The following BBS9 variants were observed in gnomAD, a reference collection of about 807,000 sequenced individuals.
BBS9 encodes the protein protein PTHB1.
BBS9 carries 89 observed loss-of-function variants against 117.7 expected under a neutral mutation model. The observed-to-expected ratio is 0.76, with a 90% CI of 0.64 to 0.90. The LOEUF is 0.90. Ranked by LOEUF, BBS9 falls within the 40% of genes least tolerant of loss-of-function variation. The pLI is 0.00. For synonymous variants in BBS9, 379 were observed against 370.9 expected (o/e 1.02, Z -0.25); for missense variants, 982 against 1,042.2 (o/e 0.94, Z 0.80).
intron 5 of BBS9, among the ~76,000 whole-genome samples, chr7:33,186,016 A>G (rs1035854445): frequency 6.6e-6 from 1 of 152,228 alleles, no homozygotes; most frequent in South Asian, 2.1e-4. Flanking sequence ...ATTAAAAATA[A>G]ATGTAACTTC....
At chr7:33,219,177 G>A (rs922868804) in intron 5 of BBS9, among the ~76,000 whole-genome samples, 13 of 152,202 alleles carry the variant, frequency 8.5e-5, no homozygotes, top group South Asian at 6.2e-4. Flanking sequence ...CTGGCGCTGC[G>A]CTCAATTTCT....
chr7:33,207,265 A>G lies in BBS9; in HGVS notation c.442+29674A>G, dbSNP rs994047440. Among the ~76,000 whole-genome samples the G allele has an allele frequency of 1.2e-4, 19 of 152,192 alleles. 1 individual carries two copies. Among genetic ancestry groups the G allele is most frequent in the African/African-American group, 7.2e-5 (3 of 41,448 alleles). On this transcript the variant is annotated intron_variant, in intron 5 of 22. Transcript: ENST00000242067. Reference sequence around the variant, plus strand: ...AACCCATTAGCAATTCTTGCCTGCAATAATCTTTACTGTGGTAGTTGCAAA... The same window carrying G: ...AACCCATTAGCAATTCTTGCCTGCAGTAATCTTTACTGTGGTAGTTGCAAA...
At chr7:33,614,870 C>A (rs925489020) in intron 21 of BBS9, among the ~76,000 whole-genome samples, 1 of 152,072 alleles carries the variant, frequency 6.6e-6, no homozygotes, top group African/African-American at 2.4e-5. Flanking sequence ...AGCATCCTAT[C>A]CTTCTTAACA....
chr7:33,519,912 T>G (rs1295628483), intron 20 of BBS9, among the ~76,000 whole-genome samples: 1 of 152,092 alleles, frequency 6.6e-6, no homozygotes, highest in African/African-American at 2.4e-5. Flanking sequence ...TACATCTAAA[T>G]CCTCAGTTGG....
At chr7:33,615,086 A>G (rs1179022986) in intron 21 of BBS9, among the ~76,000 whole-genome samples, 1 of 151,976 alleles carries the variant, frequency 6.6e-6, no homozygotes. Flanking sequence ...ACCTAATCAT[A>G]GGACTATAGA....
chr7:33,276,310 G>A (rs1416314318), intron 9 of BBS9, among the ~76,000 whole-genome samples: 1 of 152,204 alleles, frequency 6.6e-6, no homozygotes, highest in Non-Finnish European at 1.5e-5. Context: ...GTATGCTACA[G>A]TTATTTAAAT....
intron 9 of BBS9, among the ~76,000 whole-genome samples, chr7:33,328,246 C>T (rs1279829981): frequency 6.6e-6 from 1 of 152,204 alleles, no homozygotes; most frequent in African/African-American, 2.4e-5. Flanking sequence ...CTCTCTCATG[C>T]AGGCCCATTG....
intron 9 of BBS9, among the ~76,000 whole-genome samples, chr7:33,280,380 A>G (rs900401065): frequency 1.3e-5 from 2 of 151,854 alleles, no homozygotes; most frequent in African/African-American, 2.4e-5. Flanking sequence ...GTTTATGTCC[A>G]TGTGTGCTCA....
chr7:33,434,279 A>T (rs751115451), intron 19 of BBS9, among the ~76,000 whole-genome samples: 80 of 129,308 alleles, frequency 6.2e-4, no homozygotes, highest in Non-Finnish European at 1.1e-3. Context: ...CCTGTTTGCT[A>T]AAAAAAAAAA....
chr7:33,188,058 G>A (rs1225246644), intron 5 of BBS9, among the ~76,000 whole-genome samples: 1 of 144,616 alleles, frequency 6.9e-6, no homozygotes, highest in Non-Finnish European at 1.5e-5. Flanking sequence ...TAGGATTAGA[G>A]CAGCTCCCTG....
intron 5 of BBS9, among the ~76,000 whole-genome samples, chr7:33,197,443 C>T (rs535729219): frequency 5.3e-5 from 8 of 152,070 alleles, no homozygotes; most frequent in East Asian, 3.9e-4. Context: ...GCCCTTCCCC[C>T]GGGTCTCTCT....
chr7:33,460,987 A>G (rs1839385846), intron 19 of BBS9, among the ~76,000 whole-genome samples: 1 of 152,090 alleles, frequency 6.6e-6, no homozygotes, highest in African/African-American at 2.4e-5. Context: ...ATTATACAAT[A>G]TGTGATCTTT....
At chr7:33,238,150 C>A (rs996038163) in intron 5 of BBS9, among the ~76,000 whole-genome samples, 6 of 152,288 alleles carry the variant, frequency 3.9e-5, no homozygotes, top group Non-Finnish European at 7.4e-5. Flanking sequence ...ACACATTTGC[C>A]TTCTTGCCAA....
chr7:33,566,693 T>G (rs1856976617), intron 21 of BBS9, among the ~76,000 whole-genome samples: 1 of 152,098 alleles, frequency 6.6e-6, no homozygotes, highest in South Asian at 2.1e-4. Context: ...GTGAATTAGT[T>G]AGTCATTACT....
intron 9 of BBS9, among the ~76,000 whole-genome samples, chr7:33,332,355 T>C (rs1025336295): frequency 2.0e-5 from 3 of 152,044 alleles, no homozygotes; most frequent in Admixed American, 6.6e-5. Flanking sequence ...AAAAGCCACC[T>C]GTACCCCAAA....
At chr7:33,574,942 A>G (rs1055632228) in intron 21 of BBS9, among the ~76,000 whole-genome samples, 2 of 152,074 alleles carry the variant, frequency 1.3e-5, no homozygotes, top group South Asian at 2.1e-4. Flanking sequence ...TCTTGAAGTT[A>G]TAACTTGGGC....
intron 9 of BBS9, among the ~76,000 whole-genome samples, chr7:33,307,062 A>C (rs1808172348): frequency 6.6e-6 from 1 of 152,204 alleles, no homozygotes; most frequent in South Asian, 2.1e-4. Context: ...AAGCAAGAAC[A>C]CAAAGCAATT....
At chr7:33,610,660 G>A (rs555285987), downstream of BBS9, among the ~76,000 whole-genome samples, 125 of 152,198 alleles carry the variant, frequency 8.2e-4, no homozygotes, top group African/African-American at 2.5e-3. Flanking sequence ...GTTTCGACAC[G>A]ACTTTTGGAG....
chr7:33,145,023 T>C (rs968772463), intron 1 of BBS9, among the ~76,000 whole-genome samples: 4 of 152,218 alleles, frequency 2.6e-5, no homozygotes, highest in Admixed American at 2.6e-4. Flanking sequence ...ACATATTAAA[T>C]AAGGTATCTT....
Sources: gnomAD v4.1 joint callset for allele counts (sites outside exome capture counted in the v4.1 genomes callset) on GRCh38, gnomAD v4.1.1 for gene constraint, MANE v1.5 for transcripts, NCBI Gene and HGNC (gene_info 2026-07-23, HGNC 2026-07-21) for gene names.